The following TRAPPC9 variants were observed in gnomAD, a reference collection of about 807,000 sequenced individuals.
The protein encoded by TRAPPC9 is IKK2 binding protein.
TRAPPC9 carries 83 observed loss-of-function variants against 124.0 expected under a neutral mutation model. The observed-to-expected ratio is 0.67, with a 90% confidence interval of 0.56 to 0.80. The LOEUF (loss-of-function observed/expected upper bound fraction) is 0.80. Ranked by LOEUF, TRAPPC9 falls within the 30% of genes least tolerant of loss-of-function variation. TRAPPC9 has a pLI of 0.00. For synonymous variants in TRAPPC9, 638 were observed against 617.5 expected (o/e 1.03, Z -0.49); for missense variants, 1,302 against 1,508.3 (o/e 0.86, Z 2.27).
At chr8:140,180,805 G>T (rs747241528) in intron 17 of TRAPPC9, among the ~76,000 whole-genome samples, 1 of 151,678 alleles carries the variant, frequency 6.6e-6, no homozygotes, top group East Asian at 1.9e-4. Context: ...TTTTCCTCTG[G>T]CTAAAGATTT....
intron 16 of TRAPPC9, among the ~76,000 whole-genome samples, chr8:140,233,180 T>A (rs1563867668): frequency 6.6e-6 from 1 of 150,540 alleles, no homozygotes. Context: ...AAATTAGTTT[T>A]AACTCCTATG....
chr8:139,828,972 A>G (rs1825803659), intron 21 of TRAPPC9, among the ~76,000 whole-genome samples: 1 of 152,270 alleles, frequency 6.6e-6, no homozygotes, highest in Non-Finnish European at 1.5e-5. Context: ...AAACTTAGAA[A>G]AGAAATTCTT....
At chr8:139,887,377 T>G (rs1302422730) in intron 20 of TRAPPC9, among the ~76,000 whole-genome samples, 2 of 152,094 alleles carry the variant, frequency 1.3e-5, no homozygotes, top group African/African-American at 2.4e-5. Context: ...CCCGCCACCA[T>G]GCCCAGCTAA....
At chr8:140,438,987 G>A in intron 3 of TRAPPC9, 65 bp downstream of exon 3, 2 of 1,606,796 alleles carry the variant, frequency 1.2e-6, no homozygotes, top group South Asian at 1.1e-5. Context: ...ACCGCACCCA[G>A]CCTCTCATTT....
At chr8:140,178,797 G>C (rs2062131298) in intron 17 of TRAPPC9, among the ~76,000 whole-genome samples, 1 of 152,070 alleles carries the variant, frequency 6.6e-6, no homozygotes, top group African/African-American at 2.4e-5. Context: ...TTTTATTAAA[G>C]AAAGGGCTAT....
intron 17 of TRAPPC9, among the ~76,000 whole-genome samples, chr8:140,109,271 G>A (rs778406108): frequency 2.0e-5 from 3 of 152,052 alleles, no homozygotes; most frequent in South Asian, 2.1e-4. Flanking sequence ...ATGGGGAGGG[G>A]GCACTAATAA....
Position 139,788,685 on chromosome 8 carries a change from C to A in TRAPPC9, c.3056-56483G>T, listed in dbSNP as rs1052364758. On this transcript the variant is annotated intron_variant, in intron 21 of 22. Transcript: ENST00000438773. This position sits in a 1 kb window ranked among gnomAD's most constrained non-coding sequence, Gnocchi z 4.9. ...TCTCCCACCTCCCTCCTGACGGCCA[C>A]GCAGAGTCGAGTTACCATCACGCCT... Among the ~76,000 whole-genome samples, 2 of 152,210 alleles carry A rather than the reference C, an allele frequency of 1.3e-5. No homozygotes were observed. The highest frequency in any genetic ancestry group is 2.4e-5 in the African/African-American group (1 of 41,460).
chr8:139,767,528 T>C (rs1457428944), intron 21 of TRAPPC9, among the ~76,000 whole-genome samples: 4 of 152,060 alleles, frequency 2.6e-5, no homozygotes, highest in African/African-American at 9.7e-5. Flanking sequence ...AGGAGGAACA[T>C]GCTGGCAGGT....
intron 21 of TRAPPC9, among the ~76,000 whole-genome samples, chr8:139,822,674 T>A (rs555546249): frequency 1.3e-5 from 2 of 152,230 alleles, no homozygotes; most frequent in African/African-American, 4.8e-5. Context: ...GGGGCTGCCA[T>A]CTGCCAGAGG....
intron 19 of TRAPPC9, among the ~76,000 whole-genome samples, chr8:139,964,850 G>C (rs2941574): frequency 6.6e-6 from 1 of 152,008 alleles, no homozygotes; most frequent in African/African-American, 2.4e-5. Flanking sequence ...AGACCCCAGT[G>C]CTGCTCATAC....
intron 21 of TRAPPC9, among the ~76,000 whole-genome samples, chr8:139,883,819 G>A (rs774692610): frequency 9.2e-5 from 14 of 152,306 alleles, no homozygotes; most frequent in East Asian, 5.8e-4. Flanking sequence ...CAGTGCTCCC[G>A]GCTCTGCTCA....
At chr8:140,390,003 GC>G (rs1435029202) in intron 7 of TRAPPC9, among the ~76,000 whole-genome samples, 1 of 152,136 alleles carries the variant, frequency 6.6e-6, no homozygotes, top group Non-Finnish European at 1.5e-5. Flanking sequence ...AACAGCTAAA[GC>G]AAAACGATAA....
intron 17 of TRAPPC9, among the ~76,000 whole-genome samples, chr8:140,150,246 G>C (rs370134083): frequency 6.6e-6 from 1 of 152,152 alleles, no homozygotes; most frequent in African/African-American, 2.4e-5. Flanking sequence ...CCAGGAGCTC[G>C]AGACCAGCCA....
At chr8:139,805,191 G>C (rs1823958582) in intron 21 of TRAPPC9, among the ~76,000 whole-genome samples, 1 of 152,228 alleles carries the variant, frequency 6.6e-6, no homozygotes. Flanking sequence ...AGACCCCCTG[G>C]ATGTGGAGTA....
At chr8:139,941,042 A>C (rs528755662) in intron 19 of TRAPPC9, among the ~76,000 whole-genome samples, 1 of 152,346 alleles carries the variant, frequency 6.6e-6, no homozygotes, top group Admixed American at 6.5e-5. Flanking sequence ...GGGTGGACCC[A>C]CATGATTGGT....
chr8:139,847,947 CCT>C (rs1475904415), intron 21 of TRAPPC9, among the ~76,000 whole-genome samples: 1 of 152,258 alleles, frequency 6.6e-6, no homozygotes, highest in African/African-American at 2.4e-5. Flanking sequence ...CTGCCTGTGC[CCT>C]GTGTCAGCAG....
rs1280134956 is a variant in TRAPPC9 at position 140,184,894 on chromosome 8, G to C, written c.2556+36565C>G. Among the ~76,000 whole-genome samples the C allele has an allele frequency of 1.1e-4, 17 of 152,100 alleles. 1 individual carries two copies. Among genetic ancestry groups the C allele is most frequent in the Admixed American group, 1.0e-3 (16 of 15,266 alleles). On this transcript the variant is annotated intron_variant, in intron 17 of 22. Transcript: ENST00000438773. ...CCTCTCCTGTCTGCTCTGTCACCGA[G>C]CCCATCCCTCCCCAGAGCACCCTCT... is the stretch of plus-strand genomic sequence containing the variant.
At chr8:140,269,358 G>A (rs1376737670) in intron 15 of TRAPPC9, among the ~76,000 whole-genome samples, 2 of 151,866 alleles carry the variant, frequency 1.3e-5, no homozygotes, top group Admixed American at 6.6e-5. Context: ...TGGCTAACAC[G>A]GTGAAACCCT....
At chr8:140,138,302 C>CATAA (rs149332132) in intron 17 of TRAPPC9, among the ~76,000 whole-genome samples, 29,166 of 151,682 alleles carry the variant, frequency 0.19, 3,174 homozygotes, top group Admixed American at 0.26. Context: ...ACCCCAATCT[C>CATAA]ATAAATAAAT....
Sources: gnomAD v4.1 joint callset for allele counts (sites outside exome capture counted in the v4.1 genomes callset) on GRCh38, gnomAD v4.1.1 for gene constraint, Gnocchi (gnomAD v3.1) non-coding constraint, MANE v1.5 for transcripts, NCBI Gene and HGNC (gene_info 2026-07-23, HGNC 2026-07-21) for gene names.